PLEKHA7: variants seen among roughly 807,000 people sequenced by gnomAD.
The protein encoded by PLEKHA7 is pleckstrin homology domain containing A7, also known as pleckstrin homology domain-containing family A member 7.
PLEKHA7 carries 104 observed loss-of-function variants against 170.0 expected under a neutral mutation model. The observed-to-expected ratio is 0.61, with a 90% CI of 0.52 to 0.72. The LOEUF (loss-of-function observed/expected upper bound fraction) is 0.72, where lower values mean the gene tolerates loss of function less well. PLEKHA7 is among the 30% of genes least tolerant of loss of function. The pLI is 0.00. For synonymous variants in PLEKHA7, 648 were observed against 660.8 expected (o/e 0.98, Z 0.30); for missense variants, 1,615 against 1,671.7 (o/e 0.97, Z 0.59).
intron 4 of PLEKHA7, among the ~76,000 whole-genome samples, chr11:16,867,355 CAGA>C (rs1437072831): frequency 6.6e-6 from 1 of 152,170 alleles, no homozygotes; most frequent in African/African-American, 2.4e-5. Flanking sequence ...ACCGCTGCTC[CAGA>C]AGAATTACCT....
intron 19 of PLEKHA7, among the ~76,000 whole-genome samples, chr11:16,792,715 T>C (rs1419171233): frequency 6.6e-6 from 1 of 152,252 alleles, no homozygotes; most frequent in Non-Finnish European, 1.5e-5. Flanking sequence ...ATTTGTTAAA[T>C]TATATAATCC....
chr11:16,910,734 C>T (rs1858189303), intron 3 of PLEKHA7, among the ~76,000 whole-genome samples: 1 of 152,172 alleles, frequency 6.6e-6, no homozygotes, highest in Admixed American at 6.5e-5. Context: ...TACAGGACAG[C>T]CCCCCACAAC....
chr11:16,851,105 C>T (rs918760879), intron 8 of PLEKHA7, 86 bp downstream of exon 8: 4 of 1,066,184 alleles, frequency 3.8e-6, no homozygotes, highest in Non-Finnish European at 4.0e-6. Context: ...TTCCCCCTCC[C>T]GACAAAAGCA....
chr11:16,816,111 T>C (rs3925307), intron 12 of PLEKHA7, 67 bp downstream of exon 12: 33,886 of 1,334,590 alleles, frequency 0.025, 571 homozygotes, highest in Non-Finnish European at 0.032. Flanking sequence ...TGCATTGTAC[T>C]AACTCAGAGG....
intron 3 of PLEKHA7, among the ~76,000 whole-genome samples, chr11:16,984,611 T>TCA (rs1863621484): frequency 6.6e-6 from 1 of 152,188 alleles, no homozygotes; most frequent in Non-Finnish European, 1.5e-5. Flanking sequence ...CATTCCACTC[T>TCA]CACACCCAGG....
At chr11:16,864,865 A>T (rs957461087) in intron 4 of PLEKHA7, among the ~76,000 whole-genome samples, 1 of 152,208 alleles carries the variant, frequency 6.6e-6, no homozygotes, top group African/African-American at 2.4e-5. Context: ...CTTTCTTAGA[A>T]AATTATGGAC....
At chr11:16,926,626 C>G (rs997680212) in intron 3 of PLEKHA7, among the ~76,000 whole-genome samples, 1 of 152,166 alleles carries the variant, frequency 6.6e-6, no homozygotes, top group Non-Finnish European at 1.5e-5. Flanking sequence ...GGATCCCTGA[C>G]GAAGTGATAC....
At chr11:16,947,062 G>A (rs1455752149) in intron 3 of PLEKHA7, among the ~76,000 whole-genome samples, 1 of 152,138 alleles carries the variant, frequency 6.6e-6, no homozygotes, top group Non-Finnish European at 1.5e-5. Context: ...GGCCCCACAG[G>A]ACCTGGCATT....
chr11:16,982,674 C>T (rs1863501672), intron 3 of PLEKHA7, among the ~76,000 whole-genome samples: 1 of 152,078 alleles, frequency 6.6e-6, no homozygotes, highest in African/African-American at 2.4e-5. Flanking sequence ...GCTCTCTGAC[C>T]TCTGCCACCT....
rs1193064394 is a variant in PLEKHA7, at chr11:16,827,091, T to A, written c.873-501A>T. 2.0e-5 allele frequency among the ~76,000 whole-genome samples: 3 copies of A among 152,330 alleles called. No individual in the cohort carries two copies. In the East Asian group the frequency reaches 5.8e-4, roughly 29 times the overall value. On this transcript the variant is annotated intron_variant, in intron 9 of 26. Coordinates refer to ENST00000531066, the MANE Select transcript of PLEKHA7 (RefSeq NM_001329630.2). ...CTGTGCTACTGATCTTGCCTTTTCC[T>A]TTTGCAATTTGTCCATTTGGGGCTT...
At chr11:16,887,458 G>C (rs1856217200) in intron 3 of PLEKHA7, among the ~76,000 whole-genome samples, 1 of 152,046 alleles carries the variant, frequency 6.6e-6, no homozygotes, top group South Asian at 2.1e-4. Flanking sequence ...AAGCTGGACT[G>C]TACTGCCGCC....
chr11:16,940,781 T>A (rs7932524), intron 3 of PLEKHA7, among the ~76,000 whole-genome samples: 2 of 152,126 alleles, frequency 1.3e-5, no homozygotes, highest in Admixed American at 6.5e-5. Context: ...TCACTTTCCA[T>A]AGGCAAGTAC....
chr11:16,857,717 T>C (rs1237433857), intron 4 of PLEKHA7, among the ~76,000 whole-genome samples: 1 of 152,172 alleles, frequency 6.6e-6, no homozygotes, highest in African/African-American at 2.4e-5. Flanking sequence ...AATTTGTTTG[T>C]TTGTTTGTTT....
intron 4 of PLEKHA7, 33 bp downstream of exon 4, chr11:16,871,066 G>GC (rs1461375077): frequency 6.7e-7 from 1 of 1,503,300 alleles, no homozygotes; most frequent in Non-Finnish European, 9.2e-7. Flanking sequence ...CCCATACTCT[G>GC]CCCAGATAAG....
rs1477818549 is a variant in PLEKHA7, at chr11:16,901,187, A to G, written c.222-30005T>C. 9.1e-4 allele frequency among the ~76,000 whole-genome samples: 138 copies of G among 152,138 alleles called. 1 individual carries two copies. The highest frequency in any genetic ancestry group is 2.0e-4 in the Admixed American group (3 of 15,268). ...TATGACCCAATGGGATACATATTTT[A>G]TGAAACATTTTTGGTTCCCTACTTA... On this transcript the variant is annotated intron_variant, in intron 3 of 26. Transcript: ENST00000531066.
At chr11:16,859,431 C>G (rs1235353946) in intron 4 of PLEKHA7, among the ~76,000 whole-genome samples, 1 of 152,152 alleles carries the variant, frequency 6.6e-6, no homozygotes, top group South Asian at 2.1e-4. Flanking sequence ...TGAAAAAAGT[C>G]TCAAAAACAA....
intron 3 of PLEKHA7, among the ~76,000 whole-genome samples, chr11:16,957,645 C>T (rs1281773888): frequency 7.0e-6 from 1 of 142,990 alleles, no homozygotes; most frequent in Non-Finnish European, 1.5e-5. Flanking sequence ...GATTTGTTGA[C>T]TTTAAAATAG....
Position 16,789,631 on chromosome 11 carries a change from G to C in PLEKHA7, c.3156+144C>G. 1.5e-6 allele frequency: 1 copy of C among 688,484 alleles called. No homozygotes were observed. The allele number at this position is 688,484 out of a possible 1,614,324, so 42.6% of individuals were successfully genotyped here. A position where few individuals can be genotyped will look rare whatever the true frequency, so the allele number is the denominator to read the frequency against. Reference sequence around the variant, plus strand: ...AGGATGCCCTCCTTGGTGGACAGTGGGTGACAGGGAGCTCAGGAGGGGCTG... The same window carrying C: ...AGGATGCCCTCCTTGGTGGACAGTGCGTGACAGGGAGCTCAGGAGGGGCTG... On this transcript the variant is annotated intron_variant, in intron 22 of 26. Coordinates refer to ENST00000531066, the MANE Select transcript of PLEKHA7 (RefSeq NM_001329630.2). The surrounding 1 kb of genome is among the most constrained non-coding windows in gnomAD (Gnocchi z 4.6).
rs1564995912 is a variant in PLEKHA7 at position 16,841,778 on chromosome 11, T to C, written c.697-56A>G. 5 of 1,561,216 alleles carry C rather than the reference T, an allele frequency of 3.2e-6. No homozygotes were observed. In the Admixed American group the frequency reaches 5.3e-5, roughly 17 times the overall value. Reference sequence around the variant, plus strand: ...GGGAGGTTATCACACATTTCCTTTATAGGAGCAAAAGCAAGGAGGCACTAT... The same window carrying C: ...GGGAGGTTATCACACATTTCCTTTACAGGAGCAAAAGCAAGGAGGCACTAT... On this transcript the variant is annotated intron_variant, in intron 8 of 26. Coordinates refer to ENST00000531066, the MANE Select transcript of PLEKHA7 (RefSeq NM_001329630.2).
Sources: gnomAD v4.1 joint callset for allele counts (sites outside exome capture counted in the v4.1 genomes callset) on GRCh38, gnomAD v4.1.1 for gene constraint, Gnocchi (gnomAD v3.1) non-coding constraint, MANE v1.5 for transcripts, NCBI Gene and HGNC (gene_info 2026-07-23, HGNC 2026-07-21) for gene names.